The following SLC24A4 variants were observed in gnomAD, a reference collection of about 807,000 sequenced individuals.
The protein encoded by SLC24A4 is sodium/potassium/calcium exchanger 4.
Under a neutral mutation model 79.0 loss-of-function variants are expected in SLC24A4, and 53 were observed. The ratio of observed to expected loss-of-function variants is 0.67; its 90% CI spans 0.54 to 0.84. The LOEUF is 0.84. Ranked by LOEUF, SLC24A4 falls within the 40% of genes least tolerant of loss-of-function variation. SLC24A4 has a pLI of 0.00. For synonymous variants in SLC24A4, 323 were observed against 323.8 expected (o/e 1.00, Z 0.03); for missense variants, 731 against 822.0 (o/e 0.89, Z 1.35).
At chr14:92,356,994 G>A (rs555299500) in intron 2 of SLC24A4, among the ~76,000 whole-genome samples, 1 of 152,348 alleles carries the variant, frequency 6.6e-6, no homozygotes, top group Non-Finnish European at 1.5e-5. Context: ...GGCTTATGTT[G>A]GGACTGAGTG....
Position 92,445,959 on chromosome 14 carries a change from G to A in SLC24A4, c.683+617G>A, listed in dbSNP as rs146276342. Among the ~76,000 whole-genome samples the A allele has an allele frequency of 5.8e-4, 89 of 152,330 alleles. No individual in the cohort carries two copies. The East Asian group carries it at 0.016, about 27-fold the overall frequency. ...CACCTGTAATTTCAGCTACTAAGGA[G>A]GCTGAGGTGGGAGAATGGCTTGCGC... On this transcript the variant is annotated intron_variant, in intron 8 of 16. Coordinates refer to ENST00000532405, the MANE Select transcript of SLC24A4 (RefSeq NM_153646.4).
At chr14:92,402,611 A>G (rs1890173257) in intron 2 of SLC24A4, among the ~76,000 whole-genome samples, 1 of 152,172 alleles carries the variant, frequency 6.6e-6, no homozygotes, top group Non-Finnish European at 1.5e-5. Context: ...AAAGAGGTTT[A>G]ATTGGACTTA....
At chr14:92,408,752 T>C (rs1282350067) in intron 2 of SLC24A4, among the ~76,000 whole-genome samples, 2 of 152,254 alleles carry the variant, frequency 1.3e-5, no homozygotes, top group Admixed American at 1.3e-4. Context: ...GTATTTGTTT[T>C]ACTTTCTCCA....
intron 2 of SLC24A4, among the ~76,000 whole-genome samples, chr14:92,378,906 TA>T (rs1888667360): frequency 6.6e-6 from 1 of 151,718 alleles, no homozygotes; most frequent in African/African-American, 2.4e-5. Context: ...AAAGTAAAAG[TA>T]AAAAATGAGC....
At chr14:92,420,943 G>A (rs1566754177) in intron 2 of SLC24A4, among the ~76,000 whole-genome samples, 1 of 152,270 alleles carries the variant, frequency 6.6e-6, no homozygotes, top group East Asian at 1.9e-4. Context: ...GAACCTACCT[G>A]AGAATGGGTC....
At chr14:92,455,616 G>A (rs1056943085) in intron 11 of SLC24A4, among the ~76,000 whole-genome samples, 12 of 152,200 alleles carry the variant, frequency 7.9e-5, no homozygotes, top group Non-Finnish European at 1.6e-4. Context: ...TGGAGTAGGG[G>A]TATGTAGACT....
At chr14:92,452,319 A>C (rs975791072) in intron 10 of SLC24A4, 14 of 152,258 alleles carry the variant, frequency 9.2e-5, no homozygotes, top group African/African-American at 3.4e-4. Flanking sequence ...TTCCTCTGGG[A>C]TGGAGGCTTC....
chr14:92,360,218 A>G (rs918838047), intron 2 of SLC24A4, among the ~76,000 whole-genome samples: 3 of 152,200 alleles, frequency 2.0e-5, no homozygotes, highest in Admixed American at 1.3e-4. Flanking sequence ...CACTGCGCCT[A>G]GCCTGTGTTT....
chr14:92,438,108 A>G (rs1207938304), intron 3 of SLC24A4, among the ~76,000 whole-genome samples: 1 of 152,002 alleles, frequency 6.6e-6, no homozygotes, highest in African/African-American at 2.4e-5. Flanking sequence ...GCTCCCACCC[A>G]CCAAGGGCTC....
chr14:92,358,866 A>G (rs1214104450), intron 2 of SLC24A4, among the ~76,000 whole-genome samples: 3 of 151,704 alleles, frequency 2.0e-5, no homozygotes, highest in Non-Finnish European at 4.4e-5. Flanking sequence ...GTGTTTTTTT[A>G]GTAGAGATAG....
chr14:92,445,472 A>G, intron 8 of SLC24A4, 130 bp downstream of exon 8: 2 of 1,043,862 alleles, frequency 1.9e-6, no homozygotes, highest in South Asian at 1.5e-5. Flanking sequence ...GTGAAAGTGA[A>G]AAAAAGATAT....
intron 2 of SLC24A4, among the ~76,000 whole-genome samples, chr14:92,332,236 C>T (rs1216731984): frequency 1.3e-5 from 2 of 152,064 alleles, no homozygotes; most frequent in African/African-American, 4.8e-5. Flanking sequence ...GAGCCGAGAT[C>T]GCACCACTGC....
At chr14:92,366,805 T>A (rs768061619) in intron 2 of SLC24A4, among the ~76,000 whole-genome samples, 1 of 152,200 alleles carries the variant, frequency 6.6e-6, no homozygotes, top group Admixed American at 6.5e-5. Context: ...GTGTTTTCTT[T>A]TTAGATTTTT....
intron 2 of SLC24A4, among the ~76,000 whole-genome samples, 191 bp downstream of exon 2, chr14:92,326,169 C>G (rs376863659): frequency 1.3e-5 from 2 of 152,230 alleles, no homozygotes; most frequent in African/African-American, 2.4e-5. Flanking sequence ...AACTCAAGTG[C>G]TTTCTTTATC....
At chr14:92,459,920 G>C (rs750734202) in intron 12 of SLC24A4, among the ~76,000 whole-genome samples, 47 of 152,054 alleles carry the variant, frequency 3.1e-4, no homozygotes, top group Non-Finnish European at 4.3e-4. Flanking sequence ...GTTTCACAGT[G>C]GCCTGGGGCT....
At chr14:92,366,439 G>A (rs548088774) in intron 2 of SLC24A4, among the ~76,000 whole-genome samples, 18 of 152,318 alleles carry the variant, frequency 1.2e-4, no homozygotes, top group Admixed American at 5.2e-4. Flanking sequence ...TCAGCCAGGC[G>A]GGTTTGCAGG....
intron 3 of SLC24A4, among the ~76,000 whole-genome samples, chr14:92,434,864 C>T (rs181194396): frequency 6.6e-6 from 1 of 152,300 alleles, no homozygotes; most frequent in Non-Finnish European, 1.5e-5. Flanking sequence ...ACCTCTGCCT[C>T]CTGGGTTCAA....
intron 12 of SLC24A4, among the ~76,000 whole-genome samples, chr14:92,476,577 A>G (rs1179603903): frequency 6.6e-6 from 1 of 152,188 alleles, no homozygotes; most frequent in Non-Finnish European, 1.5e-5. Flanking sequence ...TTTATATGCC[A>G]TAAAATTCGC....
chr14:92,365,984 C>T (rs976390099), intron 2 of SLC24A4, among the ~76,000 whole-genome samples: 1 of 152,196 alleles, frequency 6.6e-6, no homozygotes, highest in African/African-American at 2.4e-5. Context: ...GAGTTGAGAG[C>T]TTACCATGTG....
Sources: gnomAD v4.1 joint callset for allele counts (sites outside exome capture counted in the v4.1 genomes callset) on GRCh38, gnomAD v4.1.1 for gene constraint, MANE v1.5 for transcripts, NCBI Gene and HGNC (gene_info 2026-07-23, HGNC 2026-07-21) for gene names.